DPP4: variants seen among roughly 807,000 people sequenced by gnomAD.
DPP4 encodes dipeptidyl peptidase 4.
DPP4 carries 93 observed loss-of-function variants against 122.4 expected under a neutral mutation model. The observed-to-expected ratio is 0.76, with a 90% confidence interval of 0.64 to 0.90. DPP4 has a LOEUF of 0.90. Ranked by LOEUF, DPP4 falls within the 40% of genes least tolerant of loss-of-function variation. The pLI is 0.00. For synonymous variants in DPP4, 321 were observed against 302.9 expected (o/e 1.06, Z -0.62); for missense variants, 914 against 907.3 (o/e 1.01, Z -0.09).
chr2:162,003,434 AC>A, intron 23 of DPP4, among the ~76,000 whole-genome samples: 1 of 152,176 alleles, frequency 6.6e-6, no homozygotes, highest in African/African-American at 2.4e-5. Context: ...AAGAGGAAAT[AC>A]CCCATTGGCT....
At chr2:162,017,885 T>C (rs1049442528) in intron 16 of DPP4, among the ~76,000 whole-genome samples, 1 of 152,200 alleles carries the variant, frequency 6.6e-6, no homozygotes, top group African/African-American at 2.4e-5. Flanking sequence ...CTCTGTGACT[T>C]AGGACAACAG....
intron 1 of DPP4, 55 bp from the exon 2 acceptor site, chr2:162,073,541 C>T (rs1685198254): frequency 6.4e-7 from 1 of 1,571,804 alleles, no homozygotes; most frequent in African/African-American, 1.4e-5. Flanking sequence ...CCCCAGTTTC[C>T]GTAGGAGGGT....
chr2:162,049,901 C>G (rs1684324044), intron 2 of DPP4, among the ~76,000 whole-genome samples: 1 of 152,000 alleles, frequency 6.6e-6, no homozygotes, highest in South Asian at 2.1e-4. Flanking sequence ...TTATTTAAAC[C>G]TTGTTCATTT....
intron 23 of DPP4, among the ~76,000 whole-genome samples, chr2:162,000,212 CA>C (rs1701112215): frequency 6.6e-6 from 1 of 152,054 alleles, no homozygotes; most frequent in African/African-American, 2.4e-5. Context: ...TACTTGTAAC[CA>C]AAGCTGCATA....
intron 23 of DPP4, among the ~76,000 whole-genome samples, chr2:161,995,691 C>A (rs902952433): frequency 6.6e-6 from 1 of 152,200 alleles, no homozygotes; most frequent in African/African-American, 2.4e-5. Flanking sequence ...TAGCACAGGG[C>A]AGAGTCTCAT....
At chr2:162,050,984 T>A (rs1684364016) in intron 2 of DPP4, among the ~76,000 whole-genome samples, 1 of 152,218 alleles carries the variant, frequency 6.6e-6, no homozygotes, top group Non-Finnish European at 1.5e-5. Flanking sequence ...GTTCAAAGCA[T>A]TGTGCAGCCA....
At chr2:162,027,786 T>C (rs978202838) in intron 10 of DPP4, among the ~76,000 whole-genome samples, 2 of 152,088 alleles carry the variant, frequency 1.3e-5, no homozygotes, top group Non-Finnish European at 2.9e-5. Context: ...TTGAAAACAT[T>C]GAGTAATGGA....
intron 10 of DPP4, among the ~76,000 whole-genome samples, chr2:162,032,582 G>A (rs189045254): frequency 1.6e-4 from 24 of 152,220 alleles, no homozygotes; most frequent in African/African-American, 5.5e-4. Flanking sequence ...AGGAGGCTGA[G>A]GCAGGAGAAT....
chr2:162,041,727 G>A (rs557663649), intron 5 of DPP4, among the ~76,000 whole-genome samples: 2 of 152,190 alleles, frequency 1.3e-5, no homozygotes, highest in Admixed American at 6.5e-5. Context: ...ACCACCATGG[G>A]TTGTAAAAGA....
At chr2:162,024,765 A>T (rs781739285) in intron 11 of DPP4, 39 bp downstream of exon 11, 15 of 1,604,996 alleles carry the variant, frequency 9.3e-6, no homozygotes, top group Non-Finnish European at 1.3e-5. Context: ...CTCTGATCAC[A>T]TGTTGCTCTA....
intron 23 of DPP4, among the ~76,000 whole-genome samples, chr2:162,001,623 A>G (rs1218702178): frequency 6.6e-6 from 1 of 152,214 alleles, no homozygotes; most frequent in Non-Finnish European, 1.5e-5. Context: ...CATTTTTTAC[A>G]AGTTTGACTA....
intron 1 of DPP4, 65 bp from the exon 2 acceptor site, chr2:162,073,551 T>A: frequency 6.6e-7 from 1 of 1,512,982 alleles, no homozygotes; most frequent in Non-Finnish European, 9.2e-7. Flanking sequence ...CGTAGGAGGG[T>A]CGGGGCTGCT....
intron 2 of DPP4, among the ~76,000 whole-genome samples, chr2:162,070,166 T>C (rs1685067819): frequency 2.6e-5 from 4 of 152,280 alleles, no homozygotes; most frequent in African/African-American, 7.2e-5. Context: ...CCTCCTATAG[T>C]AGGATGATTG....
chr2:162,047,171 T>C (rs1684213781), intron 3 of DPP4, among the ~76,000 whole-genome samples, 165 bp from the exon 4 acceptor site: 1 of 152,178 alleles, frequency 6.6e-6, no homozygotes, highest in Non-Finnish European at 1.5e-5. Flanking sequence ...TTTTCATCAT[T>C]ATTGTCAAGG....
chr2:162,019,348 A>T, intron 14 of DPP4, 72 bp from the exon 15 acceptor site: 1 of 1,080,512 alleles, frequency 9.3e-7, no homozygotes, highest in Non-Finnish European at 1.3e-6. Context: ...CACCGCACTC[A>T]GACCCCAAGC....
intron 2 of DPP4, among the ~76,000 whole-genome samples, chr2:162,049,708 T>G (rs1046573538): frequency 5.3e-5 from 8 of 152,158 alleles, no homozygotes; most frequent in Non-Finnish European, 1.0e-4. Context: ...CAGTTAAAAA[T>G]GATAAAGCTT....
At chr2:162,051,156 TA>T (rs1684369277) in intron 2 of DPP4, among the ~76,000 whole-genome samples, 1 of 152,204 alleles carries the variant, frequency 6.6e-6, no homozygotes, top group Non-Finnish European at 1.5e-5. Context: ...TTTTATTAGT[TA>T]AAAAAGGTAG....
At chr2:162,054,443 C>A (rs1043907816) in intron 2 of DPP4, among the ~76,000 whole-genome samples, 3 of 152,110 alleles carry the variant, frequency 2.0e-5, no homozygotes, top group Non-Finnish European at 4.4e-5. Context: ...ATGCATTTTG[C>A]GTACGAAAAG....
chr2:162,009,184 C>A (rs1701355664), intron 21 of DPP4, 57 bp downstream of exon 21: 5 of 1,551,110 alleles, frequency 3.2e-6, no homozygotes, highest in Non-Finnish European at 4.5e-6. Context: ...ATAAAGTAAC[C>A]TGCTCTGAGT....
Sources: gnomAD v4.1 joint callset for allele counts (sites outside exome capture counted in the v4.1 genomes callset) on GRCh38, gnomAD v4.1.1 for gene constraint, MANE v1.5 for transcripts, NCBI Gene and HGNC (gene_info 2026-07-23, HGNC 2026-07-21) for gene names.